PTPRD: variants seen among roughly 807,000 people sequenced by gnomAD.
The protein encoded by PTPRD is receptor-type tyrosine-protein phosphatase delta.
PTPRD carries 34 observed loss-of-function variants against 214.5 expected under a neutral mutation model. The ratio of observed to expected loss-of-function variants is 0.16; its 90% CI spans 0.12 to 0.21. The LOEUF (loss-of-function observed/expected upper bound fraction) is 0.21, where lower values mean the gene tolerates loss of function less well. PTPRD is among the 10% of genes least tolerant of loss of function. The probability of loss-of-function intolerance (pLI) is 1.00; values close to 1 mark genes in which losing one functional copy is unlikely to be tolerated. For missense variants in PTPRD, 2,545 were observed against 2,398.7 expected (o/e 1.06, Z -1.27); for synonymous variants, 1,128 against 845.7 (o/e 1.33, Z -5.79).
chr9:10,522,536 G>C (rs2052697854), intron 2 of PTPRD, among the ~76,000 whole-genome samples: 1 of 152,076 alleles, frequency 6.6e-6, no homozygotes, highest in Non-Finnish European at 1.5e-5. Flanking sequence ...TTTGGAATTT[G>C]TGCCTCTTAA....
intron 4 of PTPRD, among the ~76,000 whole-genome samples, chr9:9,974,776 A>T (rs902485920): frequency 6.6e-6 from 1 of 152,064 alleles, no homozygotes; most frequent in African/African-American, 2.4e-5. Context: ...CTTCTTACCT[A>T]TTGGTTGACA....
At chr9:9,513,036 C>T (rs780684296) in intron 8 of PTPRD, among the ~76,000 whole-genome samples, 1 of 151,810 alleles carries the variant, frequency 6.6e-6, no homozygotes, top group South Asian at 2.1e-4. Context: ...TACTGGTTAA[C>T]ACATCTACTA....
intron 11 of PTPRD, among the ~76,000 whole-genome samples, chr9:8,734,367 C>G (rs577056306): frequency 5.3e-5 from 8 of 152,338 alleles, no homozygotes; most frequent in African/African-American, 1.9e-4. Flanking sequence ...GGATAAAAGT[C>G]TATTACTGAC....
chr9:10,085,097 A>G (rs1271815861), intron 3 of PTPRD, among the ~76,000 whole-genome samples: 2 of 151,912 alleles, frequency 1.3e-5, no homozygotes, highest in Non-Finnish European at 2.9e-5. Context: ...TGGTTACAAA[A>G]TATTTGAATT....
chr9:9,875,120 T>C (rs1007750497), intron 5 of PTPRD, among the ~76,000 whole-genome samples: 3 of 152,172 alleles, frequency 2.0e-5, no homozygotes, highest in African/African-American at 7.2e-5. Context: ...TAGTTCTTAC[T>C]GAGATCCTGC....
chr9:9,565,265 T>C (rs973157145), intron 8 of PTPRD, among the ~76,000 whole-genome samples: 6 of 151,994 alleles, frequency 3.9e-5, no homozygotes, highest in Admixed American at 1.3e-4. Flanking sequence ...GCTTCATCTG[T>C]TTTGATTAGG....
chr9:9,701,870 G>A (rs550901777), intron 7 of PTPRD, among the ~76,000 whole-genome samples: 1 of 152,226 alleles, frequency 6.6e-6, no homozygotes, highest in East Asian at 1.9e-4. Flanking sequence ...TGTAATCCCA[G>A]CATTTTGGGA....
intron 7 of PTPRD, among the ~76,000 whole-genome samples, chr9:9,675,753 A>T (rs2096916647): frequency 6.6e-6 from 1 of 152,070 alleles, no homozygotes; most frequent in African/African-American, 2.4e-5. Context: ...ATCACAATAC[A>T]AAGATTCTTC....
intron 4 of PTPRD, among the ~76,000 whole-genome samples, chr9:9,997,400 C>T (rs1010930238): frequency 2.0e-5 from 3 of 151,822 alleles, no homozygotes; most frequent in Non-Finnish European, 4.4e-5. Flanking sequence ...ATTCTCCTGC[C>T]TCAACCTCCC....
At chr9:9,233,810 T>C (rs2099964733) in intron 9 of PTPRD, among the ~76,000 whole-genome samples, 1 of 152,238 alleles carries the variant, frequency 6.6e-6, no homozygotes, top group Non-Finnish European at 1.5e-5. Context: ...TTCATGCTGA[T>C]GCATGACGTG....
At chr9:9,011,160 C>G (rs968901979) in intron 11 of PTPRD, among the ~76,000 whole-genome samples, 1 of 152,032 alleles carries the variant, frequency 6.6e-6, no homozygotes, top group African/African-American at 2.4e-5. Flanking sequence ...TGTTTTTGAA[C>G]TCCAGGAAGA....
chr9:9,160,790 A>G (rs1350914834), intron 10 of PTPRD, among the ~76,000 whole-genome samples: 1 of 152,176 alleles, frequency 6.6e-6, no homozygotes, highest in African/African-American at 2.4e-5. Context: ...GTGTCCATCA[A>G]CAGATAATAG....
chr9:8,386,604 T>C (rs1201848759), intron 37 of PTPRD, among the ~76,000 whole-genome samples: 1 of 152,206 alleles, frequency 6.6e-6, no homozygotes, highest in African/African-American at 2.4e-5. Flanking sequence ...CTAGTTCCAA[T>C]GTCTGCTTTG....
At chr9:9,992,767 A>G (rs2095988445) in intron 4 of PTPRD, among the ~76,000 whole-genome samples, 1 of 150,804 alleles carries the variant, frequency 6.6e-6, no homozygotes. Context: ...ACATGGACAC[A>G]GGGTGGGGAA....
intron 3 of PTPRD, among the ~76,000 whole-genome samples, chr9:10,034,656 A>C (rs1029346950): frequency 6.6e-6 from 1 of 152,018 alleles, no homozygotes; most frequent in Admixed American, 6.6e-5. Flanking sequence ...GCTCCCACTT[A>C]TAAGTGAGAA....
At chr9:9,082,271 G>C (rs1014627485) in intron 10 of PTPRD, among the ~76,000 whole-genome samples, 4 of 152,096 alleles carry the variant, frequency 2.6e-5, no homozygotes, top group Admixed American at 6.6e-5. Context: ...GACCAAGTTA[G>C]CTTCATCCCT....
chr9:10,134,334 A>G (rs1204512202), intron 3 of PTPRD, among the ~76,000 whole-genome samples: 2 of 152,154 alleles, frequency 1.3e-5, no homozygotes, highest in African/African-American at 2.4e-5. Context: ...GTGTGGCACC[A>G]GTGATTTGGG....
chr9:9,547,263 G>C (rs529667488), intron 8 of PTPRD, among the ~76,000 whole-genome samples: 1 of 152,014 alleles, frequency 6.6e-6, no homozygotes, highest in African/African-American at 2.4e-5. Flanking sequence ...ACAAACCTTT[G>C]TGTTCCTTTA....
chr9:8,637,026 A>C (rs750249545), intron 12 of PTPRD, among the ~76,000 whole-genome samples, 182 bp from the exon 13 acceptor site: 1 of 152,196 alleles, frequency 6.6e-6, no homozygotes, highest in African/African-American at 2.4e-5. Flanking sequence ...TTTAAAGGGG[A>C]AGGACATAAC....
Sources: allele counts gnomAD v4.1 joint callset (sites outside exome capture counted in the v4.1 genomes callset), GRCh38; gene constraint gnomAD v4.1.1; transcripts MANE v1.5; gene names NCBI Gene and HGNC (gene_info 2026-07-23, HGNC 2026-07-21).